Variants in CHMP7 observed in about 807,000 individuals in gnomAD.
The protein encoded by CHMP7 is charged multivesicular body protein 7.
In CHMP7, 15 loss-of-function variants were observed where a neutral mutation model predicts 53.7. That is an observed-to-expected ratio of 0.28 (90% CI 0.19 to 0.43). The LOEUF (loss-of-function observed/expected upper bound fraction) is 0.43. CHMP7 is among the 20% of genes least tolerant of loss of function. The pLI is 1.00. For missense variants in CHMP7, 527 were observed against 569.4 expected, an observed-to-expected ratio of 0.93 and a Z score of 0.76; for synonymous variants, 261 against 228.0, an observed-to-expected ratio of 1.14 and a Z score of -1.30.
chr8:23,259,847 C>T (rs944486919), intron 9 of CHMP7: 6 of 356,476 alleles, frequency 1.7e-5, no homozygotes, highest in Non-Finnish European at 2.6e-5. Context: ...CCCATCTGTG[C>T]TGCGGCATTC....
chr8:23,259,237 C>G (rs1370997021), intron 9 of CHMP7, 111 bp downstream of exon 9: 4 of 545,046 alleles, frequency 7.3e-6, no homozygotes, highest in Non-Finnish European at 1.2e-5. Context: ...GGCGGGATCT[C>G]GGCTCACTGC....
chr8:23,258,972 A>G lies in CHMP7; in HGVS notation c.1060-94A>G, dbSNP rs189131066. 51 of 1,054,942 alleles carry G rather than the reference A, an allele frequency of 4.8e-5. No homozygotes were observed. The East Asian group carries it at 1.1e-3, about 22-fold the overall frequency. The allele number at this position is 1,054,942 out of a possible 1,614,324, so 65.3% of individuals were successfully genotyped here. On this transcript the variant is annotated intron_variant, in intron 8 of 10. Transcript: ENST00000397677. ...GCTTTCCTTGATTCTCACTTGGGGC[A>G]GGATTGCTTTGTAACCCTAGATATT...
chr8:23,250,798 C>T (rs1357139406), intron 3 of CHMP7, among the ~76,000 whole-genome samples: 5 of 152,192 alleles, frequency 3.3e-5, no homozygotes, highest in African/African-American at 9.6e-5. Flanking sequence ...AGAATCCCCA[C>T]GCCTCACCCC....
At chr8:23,258,702 T>C (rs963214925) in intron 7 of CHMP7, 30 bp from the exon 8 acceptor site, 7 of 1,506,958 alleles carry the variant, frequency 4.6e-6, no homozygotes, top group African/African-American at 1.4e-5. Context: ...ATGTCTGTCA[T>C]TTGCACTGAT....
rs199739181 is a variant in CHMP7 at position 23,255,303 on chromosome 8, C to T, written c.528C>T (p.Pro176=). 63 of 1,614,168 alleles carry T rather than the reference C, an allele frequency of 3.9e-5. No homozygotes were observed. The East Asian group carries it at 5.6e-4, about 14-fold the overall frequency. Residue 176 remains proline (P), a synonymous_variant, in exon 4 of 11, where the codon CCC becomes CCT. Coordinates refer to ENST00000397677, the MANE Select transcript of CHMP7 (RefSeq NM_152272.5). ...AGAACTCGCCCCTCTCCTCCCACCC[C>T]GTGGTGGCCCTGTCAGAGCTCAGCA... ...LYQNSPLSSH[P]VVALSELSTL...
At position 23,255,411 on chromosome 8, in the gene CHMP7, C is replaced by T. The variant is rs750638100; in HGVS notation, c.636C>T (p.Val212=). ...LQLQKEKRVT[V]LEQNGEKIVK... ...TGCAGAAGGAGAAGAGGGTCACAGT[C>T]CTCGAGCAGAACGGGGAGAAGGTAT... The change falls in exon 4 of 11, where the codon GTC becomes GTT. Residue 212 remains valine (V), a synonymous_variant. Coordinates refer to ENST00000397677, the MANE Select transcript of CHMP7 (RefSeq NM_152272.5). 1.2e-6 allele frequency: 2 copies of T among 1,614,170 alleles called. No individual in the cohort carries two copies. The highest frequency in any genetic ancestry group is 1.1e-5 in the South Asian group (1 of 91,076).
chr8:23,249,066 G>C (rs895193906), intron 2 of CHMP7, 144 bp from the exon 3 acceptor site: 7 of 545,970 alleles, frequency 1.3e-5, no homozygotes, highest in Non-Finnish European at 1.6e-5. Context: ...ACAATGCTGC[G>C]TGTCGTTGGC....
chr8:23,260,525 C>T lies in CHMP7; in HGVS notation c.1301-13C>T. The T allele has an allele frequency of 6.2e-7, 1 of 1,609,372 alleles. No individual in the cohort carries two copies. Among genetic ancestry groups the T allele is most frequent in the Admixed American group, 1.7e-5 (1 of 59,986 alleles). On this transcript the variant is annotated splice_polypyrimidine_tract_variant and intron_variant, in intron 10 of 10. Transcript: ENST00000397677. Reference sequence around the variant, plus strand: ...TTCCTGTTATAGTGTTCAGTCATTTCTTTGCCTTGCAGGTTTGGTCCCAAG... The same window carrying T: ...TTCCTGTTATAGTGTTCAGTCATTTTTTTGCCTTGCAGGTTTGGTCCCAAG...
Position 23,260,253 on chromosome 8 carries a change from C to T in CHMP7, c.1230C>T (p.Ser410=), listed in dbSNP as rs2128861004. The T allele has an allele frequency of 3.7e-6, 6 of 1,614,150 alleles. 1 individual carries two copies. The highest frequency in any genetic ancestry group is 2.2e-5 in the South Asian group (2 of 91,086). ...CCCGCAATAGGCATTTTACCAACAG[C>T]GTGCCTAACCCTAGGATCTCAGATG... ...DNPRNRHFTN[S]VPNPRISDAE... Residue 410 remains serine (S), a synonymous_variant, in exon 10 of 11, where the codon AGC becomes AGT. Coordinates refer to ENST00000397677, the MANE Select transcript of CHMP7 (RefSeq NM_152272.5).
Position 23,249,893 on chromosome 8 carries a change from C to T in CHMP7, c.471+512C>T, listed in dbSNP as rs546819544. The stretch of plus-strand genomic sequence containing the variant: ...CCTAGCCTCCTGGTCAGTCAGCCTC[C>T]TCCCGGCCTGCCTTTCCCACAGCCT... On this transcript the variant is annotated intron_variant, in intron 3 of 10. Coordinates refer to ENST00000397677, the MANE Select transcript of CHMP7 (RefSeq NM_152272.5). Among the ~76,000 whole-genome samples the T allele has an allele frequency of 2.6e-5, 4 of 152,306 alleles. No homozygotes were observed. The South Asian group carries it at 8.3e-4, about 32-fold the overall frequency.
At chr8:23,258,138 GC>G in intron 6 of CHMP7, 57 bp downstream of exon 6, 1 of 1,506,474 alleles carries the variant, frequency 6.6e-7, no homozygotes, top group Admixed American at 1.7e-5. Flanking sequence ...CTGGAGCAAT[GC>G]CCAGCAGTTC....
intron 5 of CHMP7, among the ~76,000 whole-genome samples, chr8:23,257,091 CT>C (rs1195836725): frequency 1.4e-3 from 184 of 130,888 alleles, no homozygotes; most frequent in Admixed American, 2.9e-3. Context: ...CGTGCCCGGC[CT>C]TTTTTTTTTT....
At chr8:23,249,474 C>CT in intron 3 of CHMP7, 93 bp downstream of exon 3, 2 of 1,004,762 alleles carry the variant, frequency 2.0e-6, no homozygotes, top group South Asian at 2.0e-5. Context: ...AAGACCGTCT[C>CT]TTTTTTTACA....
At chr8:23,247,352 C>T (rs1169401198) in intron 2 of CHMP7, among the ~76,000 whole-genome samples, 1 of 152,116 alleles carries the variant, frequency 6.6e-6, no homozygotes, top group Admixed American at 6.6e-5. Flanking sequence ...AGCAGAAGGT[C>T]TAAGAGATAG....
rs1402781913 is a variant in CHMP7 at position 23,260,309 on chromosome 8, C to G, written c.1286C>G (p.Ser429Cys). The G allele has an allele frequency of 1.2e-6, 2 of 1,614,138 alleles. No homozygotes were observed. The highest frequency in any genetic ancestry group is 1.7e-6 in the Non-Finnish European group (2 of 1,180,010). ...CTTGAAGCTGAACTTGAGAAACTGT[C>G]CTTATCAGAGGGAGGTATGGAGCTG... The part of the protein sequence containing the change: ...AELEAELEKL[S>C]LSEGGLVPSS... The change falls in exon 10 of 11, where the codon TCC (serine) becomes TGC (cysteine). Residue 429 changes from serine (S) to cysteine (C), a missense_variant. Transcript: ENST00000397677.
intron 3 of CHMP7, among the ~76,000 whole-genome samples, chr8:23,254,078 C>T (rs567571825): frequency 3.9e-5 from 6 of 152,194 alleles, no homozygotes; most frequent in African/African-American, 7.2e-5. Context: ...CATTTGTACA[C>T]GTGCCGCATT....
At chr8:23,250,468 T>C (rs756973557) in intron 3 of CHMP7, among the ~76,000 whole-genome samples, 7 of 152,182 alleles carry the variant, frequency 4.6e-5, no homozygotes, top group Admixed American at 1.3e-4. Context: ...TTGTCTCTTT[T>C]GTGGTACCTG....
intron 3 of CHMP7, among the ~76,000 whole-genome samples, 196 bp downstream of exon 3, chr8:23,249,577 A>G (rs1284453038): frequency 6.6e-6 from 1 of 152,146 alleles, no homozygotes; most frequent in African/African-American, 2.4e-5. Context: ...TCAAGGGGTT[A>G]GCCTTTGTGT....
At chr8:23,245,883 T>G (rs542027257) in intron 1 of CHMP7, among the ~76,000 whole-genome samples, 32 of 152,364 alleles carry the variant, frequency 2.1e-4, no homozygotes, top group African/African-American at 7.2e-4. Context: ...TTCGTCTAGG[T>G]TATCAAATTT....
Sources: allele counts gnomAD v4.1 joint callset (sites outside exome capture counted in the v4.1 genomes callset), GRCh38; gene constraint gnomAD v4.1.1; transcripts MANE v1.5; gene names NCBI Gene and HGNC (gene_info 2026-07-23, HGNC 2026-07-21).